The following ZNF133 variants were observed in gnomAD, a reference collection of about 807,000 sequenced individuals.
ZNF133 encodes zinc finger protein 133.
Under a neutral mutation model 54.9 loss-of-function variants are expected in ZNF133, and 26 were observed. The ratio of observed to expected loss-of-function variants is 0.47; its 90% CI spans 0.35 to 0.66. The LOEUF (loss-of-function observed/expected upper bound fraction) is 0.66. ZNF133 is among the 30% of genes least tolerant of loss of function. ZNF133 has a pLI of 0.01. For synonymous variants in ZNF133, 298 were observed against 320.3 expected (o/e 0.93, Z 0.74); for missense variants, 653 against 820.8 (o/e 0.80, Z 2.50).
chr20:18,304,794 G>A (rs1443878567), intron 3 of ZNF133, among the ~76,000 whole-genome samples: 1 of 152,136 alleles, frequency 6.6e-6, no homozygotes, highest in Non-Finnish European at 1.5e-5. Context: ...AAAAGTTCTG[G>A]ATTCTACCAG....
At chr20:18,301,867 C>T (rs1305504581) in intron 3 of ZNF133, among the ~76,000 whole-genome samples, 1 of 152,160 alleles carries the variant, frequency 6.6e-6, no homozygotes, top group East Asian at 1.9e-4. Flanking sequence ...TCTTCTCAAA[C>T]TTCTCCAAAA....
intron 6 of ZNF133, 149 bp from the exon 7 acceptor site, chr20:18,314,920 A>T (rs11699055): frequency 6.1e-6 from 4 of 651,760 alleles, no homozygotes; most frequent in Non-Finnish European, 7.4e-6. Context: ...AATAAGTAGC[A>T]GTAGGCTGGA....
At chr20:18,309,836 C>CT (rs1183513459) in intron 6 of ZNF133, among the ~76,000 whole-genome samples, 10 of 152,154 alleles carry the variant, frequency 6.6e-5, no homozygotes, top group Non-Finnish European at 2.9e-5. Flanking sequence ...AAGGAAGAAG[C>CT]TGTCTATCTA....
At chr20:18,293,580 T>G (rs1287530155) in intron 1 of ZNF133, among the ~76,000 whole-genome samples, 1 of 152,212 alleles carries the variant, frequency 6.6e-6, no homozygotes, top group Non-Finnish European at 1.5e-5. Context: ...CTCCCAATGT[T>G]TAAAGCTGGA....
rs2045525218 is a variant in ZNF133 at position 18,310,070 on chromosome 20, T to G, written c.217+3677T>G. On this transcript the variant is annotated intron_variant, in intron 6 of 6. Coordinates refer to ENST00000425686, the MANE Select transcript of ZNF133 (RefSeq NM_001352452.2). Reference sequence around the variant, plus strand: ...TCTCAACCTGAAAAGTATAGAATTATCAAAACATTTATATTAATAACAAGC... The same window carrying G: ...TCTCAACCTGAAAAGTATAGAATTAGCAAAACATTTATATTAATAACAAGC... 1.6e-5 allele frequency: 18 copies of G among 1,133,546 alleles called. No individual in the cohort carries two copies. In the South Asian group the frequency reaches 4.9e-4, roughly 31 times the overall value. 70.2% of individuals were successfully genotyped at this position (1,133,546 alleles called of 1,614,324 possible). A position where few individuals can be genotyped will look rare whatever the true frequency, so the allele number is the denominator to read the frequency against.
rs1215807025 is a variant in ZNF133, at chr20:18,306,408, A to G, written c.217+15A>G. 1 of 1,609,408 alleles carries G rather than the reference A, an allele frequency of 6.2e-7. No homozygotes were observed. The highest frequency in any genetic ancestry group is 1.1e-5 in the South Asian group (1 of 90,456). ...AACCTGTCCAGGTGAGTGGGAAAACACTGGACAAATGAGACATGAGCTCAG... is the reference window on the plus strand; with the variant it reads ...AACCTGTCCAGGTGAGTGGGAAAACGCTGGACAAATGAGACATGAGCTCAG... On this transcript the variant is annotated intron_variant, in intron 6 of 6. Transcript: ENST00000425686.
intron 1 of ZNF133, among the ~76,000 whole-genome samples, chr20:18,294,919 T>C (rs990741668): frequency 6.6e-6 from 1 of 152,220 alleles, no homozygotes; most frequent in African/African-American, 2.4e-5. Context: ...AATTAGTCTA[T>C]AATTTTCTGT....
chr20:18,316,580 C>G lies in ZNF133; in HGVS notation c.1729C>G (p.Pro577Ala), dbSNP rs950885793. The G allele has an allele frequency of 6.2e-7, 1 of 1,614,092 alleles. No homozygotes were observed. The change falls in exon 7 of 7, where the codon CCT becomes GCT. Residue 577 changes from proline (P) to alanine (A), a missense_variant. Physicochemically the swap from Pro to Ala is conservative, Grantham distance 27 (BLOSUM62 -1). Transcript: ENST00000425686. ...CAAGCGGGCTCACTCGGAAGAGAAGCCTTGTGTGTGCAGAGAGTGTGGCCA... is the reference window on the plus strand; with the variant it reads ...CAAGCGGGCTCACTCGGAAGAGAAGGCTTGTGTGTGCAGAGAGTGTGGCCA... ...THKRAHSEEK[P>A]CVCRECGQGF...
At chr20:18,307,626 T>C (rs2044943258) in intron 6 of ZNF133, among the ~76,000 whole-genome samples, 2 of 152,252 alleles carry the variant, frequency 1.3e-5, no homozygotes, top group South Asian at 2.1e-4. Context: ...TTTGGGACTA[T>C]AGGCACATGT....
intron 1 of ZNF133, among the ~76,000 whole-genome samples, chr20:18,296,035 G>T (rs938635481): frequency 1.3e-5 from 2 of 151,904 alleles, no homozygotes; most frequent in Admixed American, 1.3e-4. Context: ...TTTAATTCCT[G>T]CCTATTGCCT....
chr20:18,306,874 T>C, intron 6 of ZNF133: 3 of 779,150 alleles, frequency 3.9e-6, no homozygotes, highest in Non-Finnish European at 4.9e-6. Flanking sequence ...ATCTATATAA[T>C]ATCCTTAATT....
chr20:18,294,092 A>G (rs959361547), intron 1 of ZNF133, among the ~76,000 whole-genome samples: 1 of 152,214 alleles, frequency 6.6e-6, no homozygotes, highest in African/African-American at 2.4e-5. Flanking sequence ...AGGGAAATGT[A>G]GTGACTTTAC....
At position 18,316,751 on chromosome 20, in the gene ZNF133, CT is replaced by C; in HGVS notation, c.1901del (p.Leu634ArgfsTer30). ...HRKTTSVHHRLPVQPDPEPCA... is the reference protein window; with the variant it reads ...HRKTTSVHHRXPVQPDPEPCA... ...GAAGACCACGTCTGTCCACCACAGA[CT>C]GCCAGTGCAGCCCGACCCTGAGCCG... is the stretch of plus-strand genomic sequence containing the variant. On this transcript the variant is annotated frameshift_variant, in exon 7 of 7. Coordinates refer to ENST00000425686, the MANE Select transcript of ZNF133 (RefSeq NM_001352452.2). LOFTEE classifies it low-confidence loss of function (END_TRUNC). 1 of 1,614,248 alleles carries C rather than the reference CT, an allele frequency of 6.2e-7. No individual in the cohort carries two copies. The highest frequency in any genetic ancestry group is 8.5e-7 in the Non-Finnish European group (1 of 1,180,042).
Position 18,316,221 on chromosome 20 carries a change from A to G in ZNF133, c.1370A>G (p.Gln457Arg). The change falls in exon 7 of 7, where the codon CAG becomes CGG. Residue 457 changes from glutamine (Q) to arginine (R), a missense_variant. This residue lies in a region of ZNF133 where 292 missense variants were observed against 431.6 expected (regional missense o/e 0.68). Transcript: ENST00000425686. ...CTCAAGTCACACCTCAACAGACACC[A>G]GAACATACACTCAGGAGAGAAGCCC... is the stretch of plus-strand genomic sequence containing the variant. ...FSLKSHLNRH[Q>R]NIHSGEKPIV... 6.2e-7 allele frequency: 1 copy of G among 1,608,292 alleles called. No individual in the cohort carries two copies. The highest frequency in any genetic ancestry group is 8.5e-7 in the Non-Finnish European group (1 of 1,177,048).
chr20:18,293,499 C>T (rs1392825838), intron 1 of ZNF133, among the ~76,000 whole-genome samples: 1 of 152,152 alleles, frequency 6.6e-6, no homozygotes. Context: ...AGGACTTAAG[C>T]CTGTAACTGG....
At chr20:18,295,483 C>T (rs1041631263) in intron 1 of ZNF133, 1 of 152,130 alleles carries the variant, frequency 6.6e-6, no homozygotes, top group African/African-American at 2.4e-5. Context: ...TTTATGCTTT[C>T]TCTCTTTCAG....
chr20:18,315,390 G>A lies in ZNF133; in HGVS notation c.539G>A (p.Gly180Asp). Residue 180 changes from glycine (G) to aspartate (D), a missense_variant, in exon 7 of 7, where the codon GGC becomes GAC. By Grantham distance (94) the Gly-to-Asp change is moderately conservative (BLOSUM62 -1). Coordinates refer to ENST00000425686, the MANE Select transcript of ZNF133 (RefSeq NM_001352452.2). ...AGGCAGCCAGTCAGCTCTCGGAACG[G>A]CCTCAGAGGGGTGGAGTTAGAAGCC... ...PQRQPVSSRN[G>D]LRGVELEASP... is the part of the protein sequence containing the mutation. 1 of 1,614,214 alleles carries A rather than the reference G, an allele frequency of 6.2e-7. No homozygotes were observed. Among genetic ancestry groups the A allele is most frequent in the Non-Finnish European group, 8.5e-7 (1 of 1,180,038 alleles).
chr20:18,306,561 G>C (rs187263998), intron 6 of ZNF133, 168 bp downstream of exon 6: 1 of 860,160 alleles, frequency 1.2e-6, no homozygotes, highest in Non-Finnish European at 1.8e-6. Flanking sequence ...ATCTTCATTC[G>C]AGTATGGACG....
At chr20:18,306,943 C>A in intron 6 of ZNF133, 1 of 214,176 alleles carries the variant, frequency 4.7e-6, no homozygotes, top group Non-Finnish European at 8.0e-6. Context: ...AGTTTGCTGG[C>A]CCATGCTCTA....
Sources: allele counts gnomAD v4.1 joint callset (sites outside exome capture counted in the v4.1 genomes callset), GRCh38; gene constraint gnomAD v4.1.1; regional missense constraint gnomAD v4.1.1; transcripts MANE v1.5; gene names NCBI Gene and HGNC (gene_info 2026-07-23, HGNC 2026-07-21).